The following DSCAM variants were observed in gnomAD, a reference collection of about 807,000 sequenced individuals.
DSCAM encodes cell adhesion molecule DSCAM.
A neutral mutation model predicts 217.7 loss-of-function variants in DSCAM; 47 were observed. That is an observed-to-expected ratio of 0.22 (90% confidence interval 0.17 to 0.28). DSCAM has a LOEUF of 0.28. Ranked by LOEUF, DSCAM falls within the 10% of genes least tolerant of loss-of-function variation. The pLI is 1.00. For missense variants in DSCAM, 2,080 were observed against 2,618.3 expected, an observed-to-expected ratio of 0.79 and a Z score of 4.49; for synonymous variants, 1,056 against 1,015.3, an observed-to-expected ratio of 1.04 and a Z score of -0.76.
At chr21:40,091,176 A>C (rs982523282) in intron 21 of DSCAM, among the ~76,000 whole-genome samples, 5 of 152,156 alleles carry the variant, frequency 3.3e-5, no homozygotes, top group African/African-American at 1.2e-4. Flanking sequence ...TGTAAATCTA[A>C]AACTGTTCTA....
intron 3 of DSCAM, among the ~76,000 whole-genome samples, chr21:40,648,327 C>T (rs1235275271): frequency 6.6e-6 from 1 of 151,154 alleles, no homozygotes; most frequent in Non-Finnish European, 1.5e-5. Context: ...CATTGTTTAC[C>T]CAACTGTCCT....
rs889090512 is a variant in DSCAM, at chr21:40,729,193, T to C, written c.44-20422A>G. On this transcript the variant is annotated intron_variant, in intron 1 of 32. Coordinates refer to ENST00000400454, the MANE Select transcript of DSCAM (RefSeq NM_001389.5). Reference sequence around the variant, plus strand: ...CCTCAAACTACACCTCACAGGCTGCTATTGCTGCTATTTTTATGTCAGAGA... The same window carrying C: ...CCTCAAACTACACCTCACAGGCTGCCATTGCTGCTATTTTTATGTCAGAGA... Among the ~76,000 whole-genome samples the C allele has an allele frequency of 3.3e-5, 5 of 152,254 alleles. No individual in the cohort carries two copies. In the East Asian group the frequency reaches 9.6e-4, roughly 29 times the overall value.
At chr21:40,620,896 A>G (rs1444508362) in intron 3 of DSCAM, among the ~76,000 whole-genome samples, 1 of 152,228 alleles carries the variant, frequency 6.6e-6, no homozygotes, top group Non-Finnish European at 1.5e-5. Flanking sequence ...CCATTTATAC[A>G]AGGGAATACG....
chr21:40,047,454 G>A (rs893325310), intron 30 of DSCAM, among the ~76,000 whole-genome samples: 1 of 152,222 alleles, frequency 6.6e-6, no homozygotes, highest in Non-Finnish European at 1.5e-5. Flanking sequence ...CAGCCCATGA[G>A]TTGGAGGGCA....
chr21:40,060,369 C>T (rs183030564), intron 28 of DSCAM, among the ~76,000 whole-genome samples: 1 of 152,340 alleles, frequency 6.6e-6, no homozygotes, highest in Admixed American at 6.5e-5. Flanking sequence ...AGCAAATCAT[C>T]CTAATTGAGC....
Position 40,518,647 on chromosome 21 carries a change from T to C in DSCAM, c.509-149402A>G, listed in dbSNP as rs1601710450. Among the ~76,000 whole-genome samples, 3 of 134,906 alleles carry C rather than the reference T, an allele frequency of 2.2e-5. 1 individual carries two copies. The South Asian group carries it at 6.8e-4, about 31-fold the overall frequency. 88.5% of individuals were successfully genotyped at this position (134,906 alleles called of 152,430 possible). A position where few individuals can be genotyped will look rare whatever the true frequency, so the allele number is the denominator to read the frequency against. On this transcript the variant is annotated intron_variant, in intron 3 of 32. Coordinates refer to ENST00000400454, the MANE Select transcript of DSCAM (RefSeq NM_001389.5). Reference sequence around the variant, plus strand: ...ATACATACACACACATATATACATGTATATATGTGTATATATATGTGTATG... The same window carrying C: ...ATACATACACACACATATATACATGCATATATGTGTATATATATGTGTATG...
At chr21:40,636,850 G>C (rs1354591138) in intron 3 of DSCAM, among the ~76,000 whole-genome samples, 1 of 148,330 alleles carries the variant, frequency 6.7e-6, no homozygotes, top group Non-Finnish European at 1.5e-5. Flanking sequence ...CCTGTCATCA[G>C]TGTTCCCGGA....
intron 15 of DSCAM, among the ~76,000 whole-genome samples, chr21:40,175,856 C>T (rs1304596314): frequency 4.0e-5 from 6 of 149,890 alleles, no homozygotes; most frequent in African/African-American, 1.5e-4. Context: ...ATTGTGACAC[C>T]CATTCTAAAG....
chr21:40,099,739 A>G lies in DSCAM; in HGVS notation c.3697-5865T>C, dbSNP rs77100320. Among the ~76,000 whole-genome samples the G allele has an allele frequency of 5.3e-5, 8 of 152,224 alleles. No individual in the cohort carries two copies. In the East Asian group the frequency reaches 1.5e-3, roughly 29 times the overall value. On this transcript the variant is annotated intron_variant, in intron 20 of 32. Coordinates refer to ENST00000400454, the MANE Select transcript of DSCAM (RefSeq NM_001389.5). ...ACAAGAGCTGTGAGGCCACCTGGGCAGGACTTGCTGGTTCTCATGTTTTGC... is the reference window on the plus strand; with the variant it reads ...ACAAGAGCTGTGAGGCCACCTGGGCGGGACTTGCTGGTTCTCATGTTTTGC...
rs1307464444 is a variant in DSCAM at position 40,080,340 on chromosome 21, C to T, written c.4232G>A (p.Gly1411Glu). ...GTCCTCGGAGTACTGCAGTATGTATCCTGCAGAGAATGAGAAAGATTCACA... is the reference window on the plus strand; with the variant it reads ...GTCCTCGGAGTACTGCAGTATGTATTCTGCAGAGAATGAGAAAGATTCACA... ...PGDNGGSSIRGYILQYSEDNS... is the reference protein window; with the variant it reads ...PGDNGGSSIREYILQYSEDNS... The change falls in exon 25 of 33, where the codon GGA (glycine) becomes GAA (glutamate). Residue 1411 changes from glycine (G) to glutamate (E), a missense_variant and splice_region_variant. Physicochemically the swap from Gly to Glu is moderately conservative, Grantham distance 98. Around this residue, in one of 5 missense-constraint regions of DSCAM, gnomAD observed 1,144 missense variants for 1,421.1 expected, o/e 0.81. Coordinates refer to ENST00000400454, the MANE Select transcript of DSCAM (RefSeq NM_001389.5). 6.3e-7 allele frequency: 1 copy of T among 1,586,276 alleles called. No homozygotes were observed.
At chr21:40,408,999 A>G (rs185064283) in intron 3 of DSCAM, among the ~76,000 whole-genome samples, 2 of 152,350 alleles carry the variant, frequency 1.3e-5, no homozygotes, top group Non-Finnish European at 2.9e-5. Flanking sequence ...TCTCTGAGAA[A>G]TCACTAAATA....
chr21:40,449,899 T>C (rs1321473837), intron 3 of DSCAM, among the ~76,000 whole-genome samples: 15 of 152,218 alleles, frequency 9.9e-5, no homozygotes, highest in Non-Finnish European at 7.3e-5. Flanking sequence ...TTATAATAGT[T>C]GATGGCCAAA....
At chr21:40,576,046 A>G (rs1277028574) in intron 3 of DSCAM, among the ~76,000 whole-genome samples, 1 of 152,150 alleles carries the variant, frequency 6.6e-6, no homozygotes, top group Non-Finnish European at 1.5e-5. Flanking sequence ...GCAAGAGTTT[A>G]AGTGGTACCT....
intron 3 of DSCAM, among the ~76,000 whole-genome samples, chr21:40,632,269 T>C (rs1458114994): frequency 2.0e-5 from 3 of 146,958 alleles, no homozygotes; most frequent in Non-Finnish European, 4.4e-5. Flanking sequence ...AGAATCTGCC[T>C]ATACCTGGCT....
At chr21:40,515,977 T>C (rs909223260) in intron 3 of DSCAM, among the ~76,000 whole-genome samples, 16 of 152,144 alleles carry the variant, frequency 1.1e-4, no homozygotes, top group African/African-American at 3.9e-4. Flanking sequence ...CACCTAACTC[T>C]TGACTAATTT....
chr21:40,481,388 G>A (rs1033142583), intron 3 of DSCAM, among the ~76,000 whole-genome samples: 4 of 151,968 alleles, frequency 2.6e-5, no homozygotes, highest in African/African-American at 9.7e-5. Context: ...TACTCGGGAG[G>A]CTGAGGGAGG....
Position 40,505,988 on chromosome 21 carries a change from C to T in DSCAM, c.509-136743G>A, listed in dbSNP as rs556291704. Among the ~76,000 whole-genome samples the T allele has an allele frequency of 3.9e-5, 6 of 152,306 alleles. No homozygotes were observed. The South Asian group carries it at 1.2e-3, about 32-fold the overall frequency. On this transcript the variant is annotated intron_variant, in intron 3 of 32. Transcript: ENST00000400454. Reference sequence around the variant, plus strand: ...GTTCAAAATGATGCAAAGAACCACACACACACAAAACAAGATATAAAGTCA... The same window carrying T: ...GTTCAAAATGATGCAAAGAACCACATACACACAAAACAAGATATAAAGTCA...
At chr21:40,329,238 A>T (rs553192738) in intron 8 of DSCAM, among the ~76,000 whole-genome samples, 30 of 152,366 alleles carry the variant, frequency 2.0e-4, no homozygotes, top group African/African-American at 7.2e-4. Flanking sequence ...CATTGTTTAC[A>T]ATAGCCAAGA....
At chr21:40,714,397 C>A (rs950125139) in intron 1 of DSCAM, among the ~76,000 whole-genome samples, 1 of 152,196 alleles carries the variant, frequency 6.6e-6, no homozygotes, top group African/African-American at 2.4e-5. Context: ...ACAAAGCCAC[C>A]AAGGCAGCTT....
Sources: gnomAD v4.1 joint callset for allele counts (sites outside exome capture counted in the v4.1 genomes callset) on GRCh38, gnomAD v4.1.1 for gene constraint, gnomAD v4.1.1 regional missense constraint, MANE v1.5 for transcripts, NCBI Gene and HGNC (gene_info 2026-07-23, HGNC 2026-07-21) for gene names.